The following UHRF2 variants were observed in gnomAD, a reference collection of about 807,000 sequenced individuals.
UHRF2 encodes E3 ubiquitin-protein ligase UHRF2.
UHRF2 carries 23 observed loss-of-function variants against 96.8 expected under a neutral mutation model. The observed-to-expected ratio is 0.24, with a 90% CI of 0.17 to 0.34. The LOEUF (loss-of-function observed/expected upper bound fraction) is 0.34, where lower values mean the gene tolerates loss of function less well. UHRF2 is among the 10% of genes least tolerant of loss of function. UHRF2 has a pLI of 1.00. For synonymous variants in UHRF2, 385 were observed against 332.6 expected (o/e 1.16, Z -1.72); for missense variants, 685 against 981.5 (o/e 0.70, Z 4.04).
Position 6,497,441 on chromosome 9 carries a change from TG to T in UHRF2, c.1767+84del, listed in dbSNP as rs570110657. On this transcript the variant is annotated intron_variant, in intron 11 of 15. Transcript: ENST00000276893. ...GGTTGTTGCAAGGAACTACTGTGGG[TG>T]GGCTCGAGGAAACAGTAGCCATCTT... The T allele has an allele frequency of 2.8e-4, 413 of 1,500,522 alleles. 3 individuals are homozygous for T. The South Asian group carries it at 5.0e-3, about 18-fold the overall frequency. 93.0% of individuals were successfully genotyped at this position (1,500,522 alleles called of 1,614,324 possible).
intron 8 of UHRF2, chr9:6,484,792 T>TTTTC (rs1824165860): frequency 7.2e-6 from 1 of 139,288 alleles, no homozygotes; most frequent in Non-Finnish European, 1.6e-5. Flanking sequence ...TTTCTTTTTT[T>TTTTC]TTTTTTTTTT....
intron 3 of UHRF2, among the ~76,000 whole-genome samples, chr9:6,451,773 T>TTTGCTG (rs1554625817): frequency 6.7e-6 from 1 of 148,802 alleles, no homozygotes; most frequent in Non-Finnish European, 1.5e-5. Context: ...GCCCGGCCTG[T>TTTGCTG]TTGTTGTTGT....
intron 9 of UHRF2, among the ~76,000 whole-genome samples, chr9:6,489,721 GGTTTTT>G (rs1369003088): frequency 7.0e-6 from 1 of 142,402 alleles, no homozygotes; most frequent in Non-Finnish European, 1.5e-5. Flanking sequence ...TTTCTAATTG[GGTTTTT>G]GTTTTTTTTT....
At chr9:6,450,416 T>C (rs1821789752) in intron 3 of UHRF2, among the ~76,000 whole-genome samples, 1 of 151,966 alleles carries the variant, frequency 6.6e-6, no homozygotes, top group South Asian at 2.1e-4. Flanking sequence ...TCTTCTGTTA[T>C]GTGTTAGTTT....
At chr9:6,461,023 CTG>C (rs920155706) in intron 4 of UHRF2, among the ~76,000 whole-genome samples, 1 of 152,124 alleles carries the variant, frequency 6.6e-6, no homozygotes, top group African/African-American at 2.4e-5. Flanking sequence ...TTGGAAATAA[CTG>C]AGTGTTTTAT....
chr9:6,494,516 A>T (rs768747782), intron 10 of UHRF2: 1 of 152,126 alleles, frequency 6.6e-6, no homozygotes, highest in Non-Finnish European at 1.5e-5. Context: ...TCTTTATTCT[A>T]TAGAAATACT....
intron 1 of UHRF2, among the ~76,000 whole-genome samples, chr9:6,420,553 A>C (rs1300868030): frequency 6.6e-6 from 1 of 151,794 alleles, no homozygotes; most frequent in African/African-American, 2.4e-5. Context: ...ATACAAAAAA[A>C]AATTAGCCGG....
At position 6,413,342 on chromosome 9, in the gene UHRF2, G is replaced by A. The variant is rs1435753583; in HGVS notation, c.-149G>A. On this transcript the variant is annotated 5_prime_UTR_variant, in exon 1 of 16. Coordinates refer to ENST00000276893, the MANE Select transcript of UHRF2 (RefSeq NM_152896.3). The stretch of plus-strand genomic sequence containing the variant: ...GCGCTGAGAGTCGTCGCCGCCTGTC[G>A]GGCCCGGCGTCCGGTCGGTCCGGTG... 1.6e-5 allele frequency: 12 copies of A among 735,934 alleles called. No individual in the cohort carries two copies. Among genetic ancestry groups the A allele is most frequent in the Non-Finnish European group, 2.1e-5 (12 of 563,506 alleles). The allele number at this position is 735,934 out of a possible 1,614,324, so 45.6% of individuals were successfully genotyped here.
chr9:6,445,981 C>CCCCCT (rs1554624504), intron 3 of UHRF2, among the ~76,000 whole-genome samples: 3 of 78,906 alleles, frequency 3.8e-5, no homozygotes, highest in East Asian at 5.3e-4. Flanking sequence ...CCCCGCCACC[C>CCCCCT]TTTTTTTTTT....
intron 3 of UHRF2, among the ~76,000 whole-genome samples, chr9:6,435,857 C>A (rs1310480153): frequency 6.6e-6 from 1 of 152,174 alleles, no homozygotes; most frequent in Admixed American, 6.5e-5. Flanking sequence ...GATCCACCCA[C>A]CTTGGCCTCC....
At chr9:6,453,806 G>T (rs1822010822) in intron 3 of UHRF2, among the ~76,000 whole-genome samples, 2 of 152,142 alleles carry the variant, frequency 1.3e-5, no homozygotes, top group Non-Finnish European at 2.9e-5. Context: ...TTGGGAGGCT[G>T]AGGCAGGAGA....
intron 2 of UHRF2, among the ~76,000 whole-genome samples, chr9:6,433,180 C>G (rs926363425): frequency 1.6e-4 from 25 of 152,068 alleles, no homozygotes; most frequent in African/African-American, 6.0e-4. Flanking sequence ...TTTTTTAAAC[C>G]TTTCATTTCA....
At chr9:6,444,387 G>C (rs1384968744) in intron 3 of UHRF2, among the ~76,000 whole-genome samples, 1 of 152,188 alleles carries the variant, frequency 6.6e-6, no homozygotes, top group East Asian at 1.9e-4. Flanking sequence ...CTCATGTGTT[G>C]CAAGATCACT....
At chr9:6,446,502 A>G (rs566162359) in intron 3 of UHRF2, among the ~76,000 whole-genome samples, 1 of 151,964 alleles carries the variant, frequency 6.6e-6, no homozygotes, top group South Asian at 2.1e-4. Flanking sequence ...GCTGGTCTCA[A>G]ACTCCTGGGC....
At chr9:6,416,520 G>A (rs1288263806) in intron 1 of UHRF2, among the ~76,000 whole-genome samples, 1 of 147,108 alleles carries the variant, frequency 6.8e-6, no homozygotes, top group East Asian at 2.0e-4. Flanking sequence ...AGATTATGTT[G>A]GTGGATCTCT....
chr9:6,420,290 C>T (rs951963013), intron 1 of UHRF2, among the ~76,000 whole-genome samples: 3 of 151,830 alleles, frequency 2.0e-5, no homozygotes, highest in East Asian at 2.0e-4. Context: ...CTCCTGACCT[C>T]GTCATCTGCT....
At position 6,460,451 on chromosome 9, in the gene UHRF2, C is replaced by T. The variant is rs763081266; in HGVS notation, c.645-122C>T. 28 of 788,974 alleles carry T rather than the reference C, an allele frequency of 3.5e-5. No individual in the cohort carries two copies. In the Middle Eastern group the frequency reaches 1.2e-3, roughly 33 times the overall value. The allele number at this position is 788,974 out of a possible 1,614,324, so 48.9% of individuals were successfully genotyped here. On this transcript the variant is annotated intron_variant, in intron 3 of 15. Transcript: ENST00000276893. ...TAATAACACCTGCTATTTAAGGACACTTCAACCTATTTTACTCTTTCTCTT... is the reference window on the plus strand; with the variant it reads ...TAATAACACCTGCTATTTAAGGACATTTCAACCTATTTTACTCTTTCTCTT...
chr9:6,498,249 C>T, intron 12 of UHRF2, 91 bp downstream of exon 12: 1 of 1,357,276 alleles, frequency 7.4e-7, no homozygotes, highest in Non-Finnish European at 9.9e-7. Context: ...TAACCCACAG[C>T]AATTGACTGG....
chr9:6,483,344 A>AG (rs1200643181), intron 8 of UHRF2, among the ~76,000 whole-genome samples: 1 of 151,788 alleles, frequency 6.6e-6, no homozygotes, highest in African/African-American at 2.4e-5. Context: ...AAAAAAAAAA[A>AG]AAATCCTTTA....
Sources: gnomAD v4.1 joint callset for allele counts (sites outside exome capture counted in the v4.1 genomes callset) on GRCh38, gnomAD v4.1.1 for gene constraint, MANE v1.5 for transcripts, NCBI Gene and HGNC (gene_info 2026-07-23, HGNC 2026-07-21) for gene names.